The following CYRIB variants were observed in gnomAD, a reference collection of about 807,000 sequenced individuals.
CYRIB encodes the protein CYFIP related Rac1 interactor B, also known as CYFIP-related Rac1 interactor B.
CYRIB carries 8 observed loss-of-function variants against 44.2 expected under a neutral mutation model. That is an observed-to-expected ratio of 0.18 (90% CI 0.11 to 0.33). The LOEUF is 0.33. Among genes scored for constraint, CYRIB ranks in the 10% least tolerant of loss-of-function variants. The pLI is 1.00. For synonymous variants in CYRIB, 131 were observed against 127.2 expected (o/e 1.03, Z -0.20); for missense variants, 185 against 382.8 (o/e 0.48, Z 4.31).
chr8:129,976,102 A>T (rs976249509), intron 1 of CYRIB, among the ~76,000 whole-genome samples: 1 of 152,156 alleles, frequency 6.6e-6, no homozygotes, highest in African/African-American at 2.4e-5. Context: ...CAAAAAAAAA[A>T]TTTAAATAAT....
At chr8:129,947,949 T>C (rs1357325466) in intron 2 of CYRIB, 1 of 152,234 alleles carries the variant, frequency 6.6e-6, no homozygotes, top group African/African-American at 2.4e-5. Flanking sequence ...GGAGGTTTCT[T>C]CAATGTCAAT....
At chr8:130,000,164 T>A (rs1012387813) in intron 1 of CYRIB, among the ~76,000 whole-genome samples, 1 of 152,090 alleles carries the variant, frequency 6.6e-6, no homozygotes, top group African/African-American at 2.4e-5. Flanking sequence ...GACTTACTTA[T>A]CACTTCCTTT....
intron 1 of CYRIB, among the ~76,000 whole-genome samples, chr8:129,926,509 T>C (rs1340668864): frequency 2.0e-5 from 3 of 152,168 alleles, no homozygotes; most frequent in Non-Finnish European, 4.4e-5. Context: ...CTAGAGCTGT[T>C]ACATCTCTAA....
intron 2 of CYRIB, among the ~76,000 whole-genome samples, chr8:129,894,735 A>G (rs2067069845): frequency 6.6e-6 from 1 of 151,974 alleles, no homozygotes; most frequent in Non-Finnish European, 1.5e-5. Context: ...CAGCATCATA[A>G]TTTCTTATTT....
At chr8:129,955,225 C>T (rs549363034) in intron 2 of CYRIB, among the ~76,000 whole-genome samples, 9 of 145,482 alleles carry the variant, frequency 6.2e-5, no homozygotes, top group Non-Finnish European at 1.2e-4. Context: ...TGCACTCCAG[C>T]CTGGGTGACA....
At chr8:129,952,154 T>C (rs917707071) in intron 2 of CYRIB, among the ~76,000 whole-genome samples, 1 of 152,230 alleles carries the variant, frequency 6.6e-6, no homozygotes, top group African/African-American at 2.4e-5. Flanking sequence ...CAAGCGATTC[T>C]CCTGCCTCAG....
intron 2 of CYRIB, among the ~76,000 whole-genome samples, chr8:129,961,111 C>T (rs910973960): frequency 6.6e-5 from 10 of 152,262 alleles, no homozygotes; most frequent in African/African-American, 2.2e-4. Context: ...CAGGGCTGGG[C>T]TCAAATCGTG....
chr8:129,948,049 T>TACAGAACTGTATTCCC (rs2094274328), intron 2 of CYRIB: 1 of 152,250 alleles, frequency 6.6e-6, no homozygotes, highest in African/African-American at 2.4e-5. Flanking sequence ...GCTGTATTTC[T>TACAGAACTGTATTCCC]ACAGAACTGT....
chr8:129,972,696 C>T (rs764818440), intron 1 of CYRIB, among the ~76,000 whole-genome samples: 1 of 151,920 alleles, frequency 6.6e-6, no homozygotes, highest in Non-Finnish European at 1.5e-5. Flanking sequence ...CACACATACA[C>T]CATACACACA....
chr8:129,900,134 T>C (rs917972254), intron 2 of CYRIB, among the ~76,000 whole-genome samples: 1 of 152,148 alleles, frequency 6.6e-6, no homozygotes, highest in Non-Finnish European at 1.5e-5. Flanking sequence ...AACTCCCTAA[T>C]TTTATGAAAG....
rs184419818 is a variant in CYRIB at position 129,851,228 on chromosome 8, A to C, written c.634-314T>G. ...TATGAAATAGTTGGATTTTATCCTA[A>C]GGGTACTAGGAAGTCACTGGGAACA... On this transcript the variant is annotated intron_variant, in intron 8 of 11. Coordinates refer to ENST00000519824, the Ensembl canonical transcript of CYRIB. 242 of 282,790 alleles carry C rather than the reference A, an allele frequency of 8.6e-4. 3 individuals carry two copies. Among genetic ancestry groups the C allele is most frequent in the South Asian group, 8.4e-3 (202 of 24,048 alleles). 17.5% of individuals were successfully genotyped at this position (282,790 alleles called of 1,614,324 possible). A position where few individuals can be genotyped will look rare whatever the true frequency, so the allele number is the denominator to read the frequency against.
At chr8:129,870,040 G>C (rs181297832) in intron 4 of CYRIB, among the ~76,000 whole-genome samples, 1 of 152,246 alleles carries the variant, frequency 6.6e-6, no homozygotes, top group Non-Finnish European at 1.5e-5. Flanking sequence ...AAAAACAAAG[G>C]AAGGGTGCAT....
At chr8:129,862,418 C>G (rs534765645) in intron 4 of CYRIB, 84 bp from the exon 7 acceptor site, 1 of 1,030,074 alleles carries the variant, frequency 9.7e-7, no homozygotes, top group East Asian at 2.5e-5. Flanking sequence ...CTTTAGCAAA[C>G]ATAGGAAACA....
At chr8:129,882,984 TC>T (rs1487484277) in intron 2 of CYRIB, among the ~76,000 whole-genome samples, 5 of 151,334 alleles carry the variant, frequency 3.3e-5, no homozygotes, top group African/African-American at 1.2e-4. Context: ...GATCACAAGG[TC>T]AGGAGTTCGA....
chr8:129,895,485 C>T (rs545947033), intron 2 of CYRIB, among the ~76,000 whole-genome samples: 83 of 149,040 alleles, frequency 5.6e-4, no homozygotes, highest in Non-Finnish European at 8.8e-4. Context: ...TTGCCTTATT[C>T]TTGCCCTTTT....
At chr8:129,902,908 G>C (rs1463693055) in intron 2 of CYRIB, 1 of 152,136 alleles carries the variant, frequency 6.6e-6, no homozygotes. Context: ...ACCAGTAACA[G>C]ATAGAATTCT....
At chr8:129,950,438 C>T (rs1020341154) in intron 2 of CYRIB, among the ~76,000 whole-genome samples, 4 of 152,130 alleles carry the variant, frequency 2.6e-5, no homozygotes, top group African/African-American at 9.7e-5. Context: ...GACGTGGTGA[C>T]GTGCACCTGT....
chr8:129,908,375 C>A (rs1255354412), intron 1 of CYRIB, among the ~76,000 whole-genome samples: 2 of 151,936 alleles, frequency 1.3e-5, no homozygotes, highest in African/African-American at 4.8e-5. Context: ...TAATAAAAAG[C>A]AAATATGGTA....
intron 1 of CYRIB, among the ~76,000 whole-genome samples, chr8:130,005,738 G>C (rs1017254162): frequency 6.6e-6 from 1 of 151,678 alleles, no homozygotes; most frequent in African/African-American, 2.4e-5. Flanking sequence ...AGCACTTTGA[G>C]AGGCTGAGGC....
Sources: gnomAD v4.1 joint callset for allele counts (sites outside exome capture counted in the v4.1 genomes callset) on GRCh38, gnomAD v4.1.1 for gene constraint, MANE v1.5 for transcripts, NCBI Gene and HGNC (gene_info 2026-07-23, HGNC 2026-07-21) for gene names.